RBFOX3: variants seen among roughly 807,000 people sequenced by gnomAD.
RBFOX3 encodes RNA binding fox-1 homolog 3, also known as RNA binding protein fox-1 homolog 3.
RBFOX3 carries 17 observed loss-of-function variants against 48.7 expected under a neutral mutation model. That is an observed-to-expected ratio of 0.35 (90% CI 0.24 to 0.52). The LOEUF is 0.52. RBFOX3 is among the 20% of genes least tolerant of loss of function. The probability of loss-of-function intolerance (pLI) is 0.94; values close to 1 mark genes in which losing one functional copy is unlikely to be tolerated. For synonymous variants in RBFOX3, 212 were observed against 209.5 expected (o/e 1.01, Z -0.10); for missense variants, 382 against 497.5 (o/e 0.77, Z 2.21).
At chr17:79,432,864 G>C (rs184766923) in intron 2 of RBFOX3, among the ~76,000 whole-genome samples, 2 of 152,218 alleles carry the variant, frequency 1.3e-5, no homozygotes, top group Admixed American at 1.3e-4. Flanking sequence ...CACAGCTCGC[G>C]AGGCTGGGTC....
At chr17:79,652,569 A>AGGGGAGGGG in the RBFOX3 span, among the ~76,000 whole-genome samples, 1 of 115,164 alleles carries the variant, frequency 8.7e-6, no homozygotes, top group African/African-American at 4.2e-5. Flanking sequence ...AAGGAAAGGA[A>AGGGGAGGGG]AGGAAAGGAG....
chr17:79,264,030 G>T (rs1255178381), intron 3 of RBFOX3, among the ~76,000 whole-genome samples: 1 of 151,810 alleles, frequency 6.6e-6, no homozygotes, highest in Non-Finnish European at 1.5e-5. Context: ...GGAGCCCCTA[G>T]AAGCTGGAAA....
chr17:79,465,458 G>A (rs1440265141), intron 2 of RBFOX3, among the ~76,000 whole-genome samples: 3 of 152,286 alleles, frequency 2.0e-5, no homozygotes, highest in East Asian at 3.9e-4. Context: ...GCGAACAGAT[G>A]GCAGCGTGGG....
intron 4 of RBFOX3, among the ~76,000 whole-genome samples, chr17:79,182,521 C>A (rs945817473): frequency 6.6e-6 from 1 of 152,034 alleles, no homozygotes; most frequent in East Asian, 1.9e-4. Flanking sequence ...CAGCGCAGGA[C>A]CCCCGTCCCC....
At chr17:79,138,522 C>T (rs1472092005) in intron 4 of RBFOX3, among the ~76,000 whole-genome samples, 2 of 152,200 alleles carry the variant, frequency 1.3e-5, no homozygotes, top group Non-Finnish European at 2.9e-5. Context: ...TGCATCCACA[C>T]GCATATACAC....
intron 2 of RBFOX3, among the ~76,000 whole-genome samples, chr17:79,331,330 A>G (rs1003747565): frequency 6.6e-6 from 1 of 151,958 alleles, no homozygotes; most frequent in Non-Finnish European, 1.5e-5. Flanking sequence ...CATGTCTGGG[A>G]TGGCCACACT....
chr17:79,316,975 C>T (rs928676736), intron 2 of RBFOX3, among the ~76,000 whole-genome samples: 5 of 152,224 alleles, frequency 3.3e-5, no homozygotes, highest in African/African-American at 1.2e-4. Context: ...CACACTCACC[C>T]GCAAATGTGC....
Position 79,235,753 on chromosome 17 carries a change from A to G in RBFOX3, c.-34+13T>C, listed in dbSNP as rs1411283315. The G allele has an allele frequency of 1.3e-5, 2 of 153,784 alleles. No homozygotes were observed. The highest frequency in any genetic ancestry group is 3.8e-4 in the East Asian group (2 of 5,198). 9.5% of individuals were successfully genotyped at this position (153,784 alleles called of 1,614,324 possible). Reference sequence around the variant, plus strand: ...CAAAAACTATTCAGGAAAAATAGAGAAAGTCTTTATACCTTTTATTCAGCC... The same window carrying G: ...CAAAAACTATTCAGGAAAAATAGAGGAAGTCTTTATACCTTTTATTCAGCC... On this transcript the variant is annotated intron_variant, in intron 4 of 14. Coordinates refer to ENST00000693108, the MANE Select transcript of RBFOX3 (RefSeq NM_001350451.2).
At chr17:79,094,373 C>T in intron 14 of RBFOX3, 78 bp downstream of exon 14, 1 of 1,086,036 alleles carries the variant, frequency 9.2e-7, no homozygotes, top group South Asian at 1.6e-5. Flanking sequence ...AGGGCTCGGC[C>T]TCTCCCCCAA....
At chr17:79,284,349 A>ATTGT (rs1248876793) in intron 3 of RBFOX3, among the ~76,000 whole-genome samples, 92 of 152,346 alleles carry the variant, frequency 6.0e-4, no homozygotes, top group African/African-American at 2.2e-3. Flanking sequence ...AATATTTAAT[A>ATTGT]ACTTTCTTCA....
rs934672471 is a variant in RBFOX3 at position 79,362,512 on chromosome 17, C to T, written c.-174-54688G>A. 1.3e-5 allele frequency among the ~76,000 whole-genome samples: 2 copies of T among 152,126 alleles called. No homozygotes were observed. The highest frequency in any genetic ancestry group is 4.2e-4 in the South Asian group (2 of 4,812). ...CTGGATGGCACTAGGCTGAGGGGAG[C>T]AGGGGGAGCAGTGTCAGCAGGGGCC... On this transcript the variant is annotated intron_variant, in intron 2 of 14. Transcript: ENST00000693108. The surrounding 1 kb of genome is among the most constrained non-coding windows in gnomAD (Gnocchi z 4.2).
rs146021502 is a variant in RBFOX3, at chr17:79,438,700, G to A, written c.-175+43754C>T. Among the ~76,000 whole-genome samples the A allele has an allele frequency of 5.3e-5, 8 of 152,316 alleles. No homozygotes were observed. In the East Asian group the frequency reaches 5.8e-4, roughly 11 times the overall value. ...GCCAGCAGGGGCCGTGCCTACAATC[G>A]GACTAGGTCAGGCCTCATCAGTTCC... On this transcript the variant is annotated intron_variant, in intron 2 of 14. Transcript: ENST00000693108.
the RBFOX3 span, among the ~76,000 whole-genome samples, chr17:79,656,756 AGG>A: frequency 4.1e-5 from 1 of 24,652 alleles, no homozygotes; most frequent in African/African-American, 1.1e-4. Flanking sequence ...GAAAGAAGGA[AGG>A]AAGGAAGGAA....
chr17:79,144,837 C>T (rs531449198), intron 4 of RBFOX3, among the ~76,000 whole-genome samples: 2 of 151,718 alleles, frequency 1.3e-5, no homozygotes, highest in South Asian at 2.1e-4. Context: ...GCTGAGGGCC[C>T]GAGGCAAACG....
At chr17:79,183,047 C>G (rs2052482170) in intron 4 of RBFOX3, among the ~76,000 whole-genome samples, 1 of 149,378 alleles carries the variant, frequency 6.7e-6, no homozygotes, top group African/African-American at 2.4e-5. Flanking sequence ...CCGGCCCCCC[C>G]GCCTCGCGCC....
At chr17:79,626,764 G>C in the RBFOX3 span, among the ~76,000 whole-genome samples, 2 of 152,222 alleles carry the variant, frequency 1.3e-5, no homozygotes, top group African/African-American at 4.8e-5. Flanking sequence ...CTTGGGCCAA[G>C]CATGTGGGCC....
rs1306090362 is a variant in RBFOX3, at chr17:79,249,472, AAAC to A, written c.-73-13670_-73-13668del. 6.6e-6 allele frequency among the ~76,000 whole-genome samples: 1 copy of A among 152,084 alleles called. No homozygotes were observed. Among genetic ancestry groups the A allele is most frequent in the Admixed American group, 6.6e-5 (1 of 15,262 alleles). On this transcript the variant is annotated intron_variant, in intron 3 of 14. Transcript: ENST00000693108. This position sits in a 1 kb window ranked among gnomAD's most constrained non-coding sequence, Gnocchi z 4.1. Reference sequence around the variant, plus strand: ...AAAGTAGCAGATTCCGAGAGGCAGCAAACAACGGGCTTGGGGTGTGCTTTTTCA... The same window carrying A: ...AAAGTAGCAGATTCCGAGAGGCAGCAAACGGGCTTGGGGTGTGCTTTTTCA...
At chr17:79,419,329 C>T (rs2065871859) in intron 2 of RBFOX3, among the ~76,000 whole-genome samples, 1 of 152,218 alleles carries the variant, frequency 6.6e-6, no homozygotes, top group African/African-American at 2.4e-5. Context: ...CTGAAAATGT[C>T]CATCATCAGA....
chr17:79,546,604 A>G (rs532727386), intron 1 of RBFOX3, among the ~76,000 whole-genome samples: 1 of 151,578 alleles, frequency 6.6e-6, no homozygotes, highest in South Asian at 2.1e-4. Flanking sequence ...CACCAGAAGC[A>G]GCACATGGCT....
Sources: gnomAD v4.1 joint callset for allele counts (sites outside exome capture counted in the v4.1 genomes callset) on GRCh38, gnomAD v4.1.1 for gene constraint, Gnocchi (gnomAD v3.1) non-coding constraint, MANE v1.5 for transcripts, NCBI Gene and HGNC (gene_info 2026-07-23, HGNC 2026-07-21) for gene names.